Variants in TPTE2 observed in about 807,000 individuals in gnomAD.
TPTE2 encodes phosphatidylinositol 3,4,5-trisphosphate 3-phosphatase TPTE2.
A neutral mutation model predicts 78.6 loss-of-function variants in TPTE2; 53 were observed. The observed-to-expected ratio is 0.67, with a 90% CI of 0.54 to 0.85. TPTE2 has a LOEUF of 0.85. Among genes scored for constraint, TPTE2 ranks in the 40% least tolerant of loss-of-function variants. The pLI, the probability that TPTE2 is intolerant of heterozygous loss-of-function variation, is 0.00. For synonymous variants in TPTE2, 175 were observed against 206.2 expected, an observed-to-expected ratio of 0.85 and a Z score of 1.30; for missense variants, 461 against 623.0, an observed-to-expected ratio of 0.74 and a Z score of 2.77.
chr13:19,494,771 G>A (rs1881208323), intron 1 of TPTE2, among the ~76,000 whole-genome samples: 1 of 152,104 alleles, frequency 6.6e-6, no homozygotes, highest in Admixed American at 6.5e-5. Flanking sequence ...CTCCCGCCAG[G>A]GCATTCGGAT....
chr13:19,498,462 C>T (rs1460055626), intron 1 of TPTE2, among the ~76,000 whole-genome samples: 3 of 152,074 alleles, frequency 2.0e-5, no homozygotes, highest in Admixed American at 1.3e-4. Context: ...GGCAGAAACC[C>T]TACAAGCCAG....
At chr13:19,425,399 A>T (rs1385528934) in intron 18 of TPTE2, among the ~76,000 whole-genome samples, 1 of 152,140 alleles carries the variant, frequency 6.6e-6, no homozygotes, top group Non-Finnish European at 1.5e-5. Context: ...ATCCCTTTTA[A>T]TTATAAATTG....
At chr13:19,560,830 G>A in the TPTE2 span, 14 of 1,535,294 alleles carry the variant, frequency 9.1e-6, no homozygotes, top group East Asian at 2.9e-4. Flanking sequence ...CGGTCCAGGC[G>A]CGCTCCCGCA....
chr13:19,471,462 G>T (rs1407223644), intron 6 of TPTE2, among the ~76,000 whole-genome samples: 2 of 151,774 alleles, frequency 1.3e-5, no homozygotes, highest in African/African-American at 4.8e-5. Context: ...TTGGTTTGAG[G>T]TTACCATGAG....
At chr13:19,511,868 A>T (rs1343697729) in intron 1 of TPTE2, among the ~76,000 whole-genome samples, 1 of 152,122 alleles carries the variant, frequency 6.6e-6, no homozygotes, top group South Asian at 2.1e-4. Context: ...TTAAAAAAAA[A>T]ATCACCATTT....
At chr13:19,498,285 G>A (rs912566024) in intron 1 of TPTE2, among the ~76,000 whole-genome samples, 19 of 150,968 alleles carry the variant, frequency 1.3e-4, no homozygotes, top group African/African-American at 4.4e-4. Flanking sequence ...TCAGATTCAG[G>A]AAATACAGAG....
At chr13:19,513,093 G>T (rs1488857929) in intron 1 of TPTE2, among the ~76,000 whole-genome samples, 16 of 152,112 alleles carry the variant, frequency 1.1e-4, no homozygotes, top group South Asian at 2.1e-4. Flanking sequence ...GACTATATTG[G>T]TAATCTTACG....
chr13:19,467,644 G>C (rs1410656973), intron 6 of TPTE2, among the ~76,000 whole-genome samples: 3 of 152,062 alleles, frequency 2.0e-5, no homozygotes, highest in African/African-American at 4.8e-5. Context: ...GGACAATGGG[G>C]TATCTATCCC....
At chr13:19,549,529 T>C in the TPTE2 span, among the ~76,000 whole-genome samples, 51 of 151,932 alleles carry the variant, frequency 3.4e-4, 1 homozygote, top group Admixed American at 9.2e-4. Flanking sequence ...TGCAGAGGAA[T>C]TGGAATGCTT....
intron 1 of TPTE2, among the ~76,000 whole-genome samples, chr13:19,520,488 GTTCTT>G (rs1257628730): frequency 1.7e-4 from 26 of 151,536 alleles, no homozygotes; most frequent in African/African-American, 5.8e-4. Flanking sequence ...ACATTTTTGA[GTTCTT>G]TTCTTTTTTT....
the TPTE2 span, among the ~76,000 whole-genome samples, chr13:19,547,726 T>TATATATA: frequency 8.3e-4 from 120 of 144,488 alleles, 4 homozygotes; most frequent in Middle Eastern, 3.6e-3. Context: ...TATACATATA[T>TATATATA]ATATATATAT....
chr13:19,433,593 T>G (rs1162072256), intron 15 of TPTE2, among the ~76,000 whole-genome samples: 5 of 152,178 alleles, frequency 3.3e-5, no homozygotes, highest in Non-Finnish European at 7.3e-5. Flanking sequence ...AGTAACTAAC[T>G]GCCATACTTC....
chr13:19,491,702 G>A (rs879795199), intron 3 of TPTE2, among the ~76,000 whole-genome samples: 10 of 152,088 alleles, frequency 6.6e-5, no homozygotes, highest in Admixed American at 2.0e-4. Flanking sequence ...GCACATGACT[G>A]CAGTCCCAGC....
chr13:19,540,037 G>A (rs377270804), upstream of TPTE2, among the ~76,000 whole-genome samples: 2 of 152,124 alleles, frequency 1.3e-5, no homozygotes, highest in East Asian at 1.9e-4. Flanking sequence ...CCAGCTACTC[G>A]GGAGGCTGAG....
chr13:19,548,989 C>T, the TPTE2 span, among the ~76,000 whole-genome samples: 187 of 151,942 alleles, frequency 1.2e-3, 4 homozygotes, highest in South Asian at 2.1e-4. Flanking sequence ...GGCATGGTGG[C>T]GGGCCCCTGT....
intron 3 of TPTE2, among the ~76,000 whole-genome samples, chr13:19,485,564 T>C (rs1448242017): frequency 1.3e-5 from 2 of 152,186 alleles, no homozygotes; most frequent in Non-Finnish European, 2.9e-5. Context: ...GAACTAGATG[T>C]CTAGCTCTCT....
In TPTE2 at chr13:19,473,501, TG is replaced by T. The variant is rs111594346; in HGVS notation, c.392+412del. Among the ~76,000 whole-genome samples the T allele has an allele frequency of 6.3e-4, 96 of 151,942 alleles. 1 individual carries two copies. The highest frequency in any genetic ancestry group is 1.4e-3 in the African/African-American group (58 of 41,442). ...CCATGGCCACCTCAAACACAGGCCA[TG>T]GGGGGTACTGCCAGACTACCACCAA... On this transcript the variant is annotated intron_variant, in intron 6 of 19. Transcript: ENST00000400230.
At chr13:19,538,862 C>T (rs1009349536), upstream of TPTE2, among the ~76,000 whole-genome samples, 9 of 152,068 alleles carry the variant, frequency 5.9e-5, no homozygotes, top group African/African-American at 1.7e-4. Context: ...ATCATAAATC[C>T]GACAGAATTG....
At chr13:19,423,955 G>C (rs1875802591) in intron 19 of TPTE2, among the ~76,000 whole-genome samples, 1 of 152,100 alleles carries the variant, frequency 6.6e-6, no homozygotes, top group African/African-American at 2.4e-5. Context: ...TTGTTTGTAT[G>C]CATCTAAAAA....
Sources: allele counts gnomAD v4.1 joint callset (sites outside exome capture counted in the v4.1 genomes callset), GRCh38; gene constraint gnomAD v4.1.1; transcripts MANE v1.5; gene names NCBI Gene and HGNC (gene_info 2026-07-23, HGNC 2026-07-21).